LGSN: variants seen among roughly 807,000 people sequenced by gnomAD.
LGSN encodes lengsin.
LGSN carries 21 observed loss-of-function variants against 19.5 expected under a neutral mutation model. That is an observed-to-expected ratio of 1.07 (90% confidence interval 0.76 to 1.55). The LOEUF (loss-of-function observed/expected upper bound fraction) is 1.55, where lower values mean the gene tolerates loss of function less well. Ranked by LOEUF, LGSN falls within the 40% of genes most tolerant of loss-of-function variation. LGSN has a pLI of 0.00. For synonymous variants in LGSN, 257 were observed against 215.6 expected (o/e 1.19, Z -1.68); for missense variants, 673 against 608.5 (o/e 1.11, Z -1.12).
the LGSN span, among the ~76,000 whole-genome samples, chr6:63,565,285 C>T: frequency 6.6e-6 from 1 of 151,708 alleles, no homozygotes; most frequent in African/African-American, 2.4e-5. Flanking sequence ...CTATATTAAG[C>T]GGCAGAGTTA....
At chr6:63,324,430 T>G (rs992485821), upstream of LGSN, among the ~76,000 whole-genome samples, 1 of 152,250 alleles carries the variant, frequency 6.6e-6, no homozygotes, top group Non-Finnish European at 1.5e-5. Flanking sequence ...GTGTAAGATA[T>G]TAAATGAATT....
At chr6:63,463,391 T>C in the LGSN span, among the ~76,000 whole-genome samples, 3 of 152,198 alleles carry the variant, frequency 2.0e-5, no homozygotes, top group Non-Finnish European at 4.4e-5. Context: ...ACAGAAATCT[T>C]GTCACCTCAT....
the LGSN span, among the ~76,000 whole-genome samples, chr6:63,471,565 C>T: frequency 1.2e-3 from 182 of 151,452 alleles, 1 homozygote; most frequent in East Asian, 0.028. Flanking sequence ...ACTTGGGACG[C>T]TAGGCAGGAG....
At chr6:63,413,887 T>C in the LGSN span, among the ~76,000 whole-genome samples, 2 of 152,232 alleles carry the variant, frequency 1.3e-5, no homozygotes, top group Admixed American at 1.3e-4. Context: ...AGCTTTCATG[T>C]GTATATATAT....
the LGSN span, among the ~76,000 whole-genome samples, chr6:63,562,385 G>A: frequency 6.6e-6 from 1 of 151,940 alleles, no homozygotes; most frequent in Non-Finnish European, 1.5e-5. Context: ...TTTTAGTAGA[G>A]ACAGCGTTTC....
chr6:63,432,154 AAAG>A, the LGSN span, among the ~76,000 whole-genome samples: 40 of 120,484 alleles, frequency 3.3e-4, 1 homozygote, highest in Admixed American at 1.4e-3. Context: ...AGAAAGAAAG[AAAG>A]AAAGAAAGAA....
the LGSN span, among the ~76,000 whole-genome samples, chr6:63,507,425 C>G: frequency 6.6e-6 from 1 of 152,052 alleles, no homozygotes; most frequent in Admixed American, 6.6e-5. Flanking sequence ...TATGGTCAAG[C>G]TGGATGCATA....
chr6:63,535,397 G>A, the LGSN span, among the ~76,000 whole-genome samples: 4 of 152,092 alleles, frequency 2.6e-5, no homozygotes, highest in African/African-American at 9.7e-5. Flanking sequence ...TGAACAGGGA[G>A]GCAGAGGTTG....
the LGSN span, among the ~76,000 whole-genome samples, chr6:63,358,416 C>T: frequency 1.3e-5 from 2 of 152,250 alleles, no homozygotes; most frequent in Admixed American, 6.5e-5. Context: ...TATAAATTAC[C>T]TTGGGCAGTA....
chr6:63,561,333 C>T, the LGSN span, among the ~76,000 whole-genome samples: 1 of 152,038 alleles, frequency 6.6e-6, no homozygotes, highest in Non-Finnish European at 1.5e-5. Flanking sequence ...GCTTAATACC[C>T]AACACATAGT....
chr6:63,278,614 ATTT>A lies in LGSN; in HGVS notation c.*1404_*1406del, dbSNP rs769306526. The A allele has an allele frequency of 6.8e-5, 9 of 133,188 alleles. No homozygotes were observed. The highest frequency in any genetic ancestry group is 1.4e-4 in the African/African-American group (5 of 36,526). 8.3% of individuals were successfully genotyped at this position (133,188 alleles called of 1,614,324 possible). A position where few individuals can be genotyped will look rare whatever the true frequency, so the allele number is the denominator to read the frequency against. ...ACAGGCATGTGCCACCATGCGAGGCATTTTTTTTTTTTTTTTTGTAGAAACAGG... is the reference window on the plus strand; with the variant it reads ...ACAGGCATGTGCCACCATGCGAGGCATTTTTTTTTTTTTTGTAGAAACAGG... On this transcript the variant is annotated 3_prime_UTR_variant, in exon 4 of 4. Coordinates refer to ENST00000370657, the MANE Select transcript of LGSN (RefSeq NM_016571.3).
At chr6:63,323,411 C>CTACTGTCTA (rs1195289795), upstream of LGSN, among the ~76,000 whole-genome samples, 17 of 152,060 alleles carry the variant, frequency 1.1e-4, no homozygotes, top group African/African-American at 3.6e-4. Context: ...TTTTGAGTCT[C>CTACTGTCTA]TACTGTCTAT....
chr6:63,316,404 C>T (rs1222470363), intron 1 of LGSN, among the ~76,000 whole-genome samples: 1 of 152,006 alleles, frequency 6.6e-6, no homozygotes, highest in Non-Finnish European at 1.5e-5. Context: ...GCAAGTTATG[C>T]AAAATCTACA....
chr6:63,565,628 C>A, the LGSN span, among the ~76,000 whole-genome samples: 2 of 152,104 alleles, frequency 1.3e-5, no homozygotes, highest in Non-Finnish European at 2.9e-5. Context: ...ATGTCTGACT[C>A]AACAAAACAC....
At chr6:63,523,988 C>A in the LGSN span, among the ~76,000 whole-genome samples, 1 of 148,768 alleles carries the variant, frequency 6.7e-6, no homozygotes, top group Non-Finnish European at 1.5e-5. Context: ...TATCAATAGG[C>A]TTTTTTTTTT....
the LGSN span, among the ~76,000 whole-genome samples, chr6:63,382,852 G>A: frequency 6.6e-6 from 1 of 152,056 alleles, no homozygotes; most frequent in African/African-American, 2.4e-5. Flanking sequence ...TATATAATAA[G>A]AATTACTGCT....
At position 63,280,973 on chromosome 6, in the gene LGSN, C is replaced by T. The variant is rs748278342; in HGVS notation, c.578G>A (p.Ser193Asn). ...SPRYIAKRQL[S>N]HLQASGFSLL... is the part of the protein sequence containing the mutation. ...GGAAAAGCCAGAGGCCTGCAGATGG[C>T]TCAGCTGCCTCTTTGCAATGTACCT... is the stretch of plus-strand genomic sequence containing the variant. Residue 193 changes from serine (S) to asparagine (N), a missense_variant, in exon 4 of 4, where the codon AGC becomes AAC. Ser to Asn is a conservative substitution (Grantham distance 46). Coordinates refer to ENST00000370657, the MANE Select transcript of LGSN (RefSeq NM_016571.3). 3.1e-6 allele frequency: 5 copies of T among 1,614,004 alleles called. No homozygotes were observed. The highest frequency in any genetic ancestry group is 3.4e-6 in the Non-Finnish European group (4 of 1,180,034).
At chr6:63,572,884 C>T in the LGSN span, among the ~76,000 whole-genome samples, 4 of 152,104 alleles carry the variant, frequency 2.6e-5, no homozygotes, top group Non-Finnish European at 5.9e-5. Context: ...CTGTGGCCGG[C>T]CGATTGCGGC....
chr6:63,528,677 C>T, the LGSN span, among the ~76,000 whole-genome samples: 2 of 152,124 alleles, frequency 1.3e-5, no homozygotes, highest in Non-Finnish European at 2.9e-5. Context: ...GGGAGGATTA[C>T]CTGAGCACGG....
Sources: allele counts gnomAD v4.1 joint callset (sites outside exome capture counted in the v4.1 genomes callset), GRCh38; gene constraint gnomAD v4.1.1; transcripts MANE v1.5; gene names NCBI Gene and HGNC (gene_info 2026-07-23, HGNC 2026-07-21).